BNIP3L: variants seen among roughly 807,000 people sequenced by gnomAD.
The protein encoded by BNIP3L is BCL2 interacting protein 3 like.
BNIP3L carries 10 observed loss-of-function variants against 25.5 expected under a neutral mutation model. The observed-to-expected ratio is 0.39, with a 90% CI of 0.24 to 0.67. The LOEUF (loss-of-function observed/expected upper bound fraction) is 0.67. BNIP3L is among the 30% of genes least tolerant of loss of function. The pLI is 0.45. For missense variants in BNIP3L, 215 were observed against 270.9 expected, an observed-to-expected ratio of 0.79 and a Z score of 1.45; for synonymous variants, 113 against 101.2, an observed-to-expected ratio of 1.12 and a Z score of -0.70.
chr8:26,396,143 G>GCCTCTGTAGGCTCCA (rs1414170503), intron 3 of BNIP3L: 1 of 143,568 alleles, frequency 7.0e-6, no homozygotes, highest in Non-Finnish European at 1.5e-5. Context: ...AGGCCTGCCT[G>GCCTCTGTAGGCTCCA]CCTCTGTAGG....
In BNIP3L at chr8:26,391,279, G is replaced by T. The variant is rs371069829; in HGVS notation, c.137G>T (p.Gly46Val). The change falls in exon 2 of 6, where the codon GGC (glycine) becomes GTC (valine). Residue 46 changes from glycine (G) to valine (V), a missense_variant. Transcript: ENST00000380629. ...GAGCTACCCATGAACAGCAGCAATG[G>T]CAATGATAATGGCAATGGGAAAAAT... Reference protein sequence around the residue: ...WVELPMNSSNGNDNGNGKNGG... With the variant: ...WVELPMNSSNVNDNGNGKNGG... 11 of 1,611,414 alleles carry T rather than the reference G, an allele frequency of 6.8e-6. No individual in the cohort carries two copies. Among genetic ancestry groups the T allele is most frequent in the African/African-American group, 4.0e-5 (3 of 74,762 alleles).
At position 26,384,601 on chromosome 8, in the gene BNIP3L, A is replaced by G. The variant is rs1370992288; in HGVS notation, c.100+1371A>G. Among the ~76,000 whole-genome samples the G allele has an allele frequency of 3.3e-5, 5 of 152,176 alleles. No individual in the cohort carries two copies. In the South Asian group the frequency reaches 8.3e-4, roughly 25 times the overall value. ...ATGGGAAGAAACTTCAGAGCTAGCT[A>G]ACTGCCTCCTGTTGTTTGCCTGTAG... On this transcript the variant is annotated intron_variant, in intron 1 of 5. Coordinates refer to ENST00000380629, the MANE Select transcript of BNIP3L (RefSeq NM_004331.3).
At chr8:26,402,028 G>A (rs1269711468) in intron 3 of BNIP3L, among the ~76,000 whole-genome samples, 5 of 152,074 alleles carry the variant, frequency 3.3e-5, no homozygotes, top group Admixed American at 2.6e-4. Context: ...TGAATGAGTC[G>A]CAACAAAAAC....
rs539869098 is a variant in BNIP3L, at chr8:26,408,469, T to C, written c.611+93T>C. Reference sequence around the variant, plus strand: ...TGTATGTGAAAGCAGTTTTTATTGCTTTACTTTCAATGTTTTAGTGCAAAT... The same window carrying C: ...TGTATGTGAAAGCAGTTTTTATTGCCTTACTTTCAATGTTTTAGTGCAAAT... On this transcript the variant is annotated intron_variant, in intron 5 of 5. Transcript: ENST00000380629. 3.6e-4 allele frequency: 500 copies of C among 1,406,292 alleles called. 3 individuals carry two copies. In the African/African-American group the frequency reaches 4.6e-3, roughly 13 times the overall value. 87.1% of individuals were successfully genotyped at this position (1,406,292 alleles called of 1,614,324 possible). A position where few individuals can be genotyped will look rare whatever the true frequency, so the allele number is the denominator to read the frequency against.
rs1806651777 is a variant in BNIP3L, at chr8:26,412,507, TAAAAA to T, written c.*2096_*2100del. The T allele has an allele frequency of 6.6e-6, 1 of 152,240 alleles. No individual in the cohort carries two copies. The highest frequency in any genetic ancestry group is 6.5e-5 in the Admixed American group (1 of 15,278). The allele number at this position is 152,240 out of a possible 1,614,324, so 9.4% of individuals were successfully genotyped here. On this transcript the variant is annotated 3_prime_UTR_variant, in exon 6 of 6. Coordinates refer to ENST00000380629, the MANE Select transcript of BNIP3L (RefSeq NM_004331.3). Reference sequence around the variant, plus strand: ...GTATATTTATGATTTCTTTCAGCGTTAAAAAGAAACATAGTGTTGCCCTTTTTCTT... The same window carrying T: ...GTATATTTATGATTTCTTTCAGCGTTGAAACATAGTGTTGCCCTTTTTCTT...
At chr8:26,410,316 A>G (rs377525353) in intron 5 of BNIP3L, 48 bp from the exon 6 acceptor site, 3 of 1,609,474 alleles carry the variant, frequency 1.9e-6, no homozygotes, top group African/African-American at 1.3e-5. Flanking sequence ...ACAAGCTGGT[A>G]TAGAACTGTT....
intron 3 of BNIP3L, among the ~76,000 whole-genome samples, chr8:26,403,736 C>T (rs78595098): frequency 0.063 from 9,638 of 151,840 alleles, 473 homozygotes; most frequent in East Asian, 0.25. Context: ...GACAGAGTCT[C>T]GCTATATTGC....
At chr8:26,401,977 C>T (rs1203575637) in intron 3 of BNIP3L, among the ~76,000 whole-genome samples, 1 of 152,114 alleles carries the variant, frequency 6.6e-6, no homozygotes, top group African/African-American at 2.4e-5. Flanking sequence ...TTATCTTTTT[C>T]TCCTGTATTT....
At chr8:26,385,143 A>G (rs1805964842) in intron 1 of BNIP3L, among the ~76,000 whole-genome samples, 1 of 152,098 alleles carries the variant, frequency 6.6e-6, no homozygotes, top group South Asian at 2.1e-4. Context: ...GTGTTATTCT[A>G]CCTAATTGAC....
intron 1 of BNIP3L, among the ~76,000 whole-genome samples, chr8:26,389,771 G>C (rs1806064988): frequency 6.6e-6 from 1 of 152,212 alleles, no homozygotes; most frequent in Admixed American, 6.5e-5. Context: ...GGAAGTGATG[G>C]GGTCAGATTC....
At chr8:26,403,576 C>T (rs1329728159) in intron 3 of BNIP3L, among the ~76,000 whole-genome samples, 1 of 147,870 alleles carries the variant, frequency 6.8e-6, no homozygotes, top group African/African-American at 2.5e-5. Context: ...CTTGCTTTGT[C>T]ACCCAGGCTG....
chr8:26,398,155 AT>A (rs1806289582), intron 3 of BNIP3L, among the ~76,000 whole-genome samples: 1 of 89,694 alleles, frequency 1.1e-5, no homozygotes, highest in Non-Finnish European at 2.3e-5. Flanking sequence ...TCCACCCCAA[AT>A]CAACAGAATA....
intron 3 of BNIP3L, among the ~76,000 whole-genome samples, chr8:26,396,424 G>T: frequency 1.0e-5 from 1 of 97,180 alleles, no homozygotes; most frequent in Admixed American, 1.1e-4. Flanking sequence ...CTGTCTGTTA[G>T]AAGGAAAACT....
At chr8:26,387,710 T>TGGTAC (rs1366640488) in intron 1 of BNIP3L, among the ~76,000 whole-genome samples, 17 of 152,244 alleles carry the variant, frequency 1.1e-4, no homozygotes, top group Non-Finnish European at 2.2e-4. Context: ...TACCACTATG[T>TGGTAC]ATTTCCATAG....
intron 3 of BNIP3L, among the ~76,000 whole-genome samples, chr8:26,407,438 G>A (rs56114189): frequency 0.038 from 5,769 of 151,742 alleles, 168 homozygotes; most frequent in South Asian, 0.12. Flanking sequence ...CGCTCACCTC[G>A]GCCTCCCAAA....
At chr8:26,402,901 G>A (rs1035680702) in intron 3 of BNIP3L, among the ~76,000 whole-genome samples, 1 of 152,208 alleles carries the variant, frequency 6.6e-6, no homozygotes, top group East Asian at 1.9e-4. Context: ...TGTGGTAAGT[G>A]CTTTCCTGGC....
chr8:26,389,976 G>A (rs533618976), intron 1 of BNIP3L, among the ~76,000 whole-genome samples: 12 of 152,318 alleles, frequency 7.9e-5, no homozygotes, highest in African/African-American at 2.6e-4. Flanking sequence ...AGTTTAGAGG[G>A]ATGGCCACAC....
intron 1 of BNIP3L, among the ~76,000 whole-genome samples, chr8:26,388,800 G>A (rs1222964758): frequency 1.5e-5 from 2 of 137,448 alleles, no homozygotes; most frequent in African/African-American, 6.0e-5. Flanking sequence ...GGGAGACCCT[G>A]TCTCTACTAA....
At chr8:26,390,515 A>T (rs1428159833) in intron 1 of BNIP3L, 1 of 985,354 alleles carries the variant, frequency 1.0e-6, no homozygotes, top group Non-Finnish European at 1.2e-6. Flanking sequence ...ACAAGTTCAC[A>T]AGGTATGTTT....
Sources: allele counts gnomAD v4.1 joint callset (sites outside exome capture counted in the v4.1 genomes callset), GRCh38; gene constraint gnomAD v4.1.1; transcripts MANE v1.5; gene names NCBI Gene and HGNC (gene_info 2026-07-23, HGNC 2026-07-21).